Variants in VIPAS39 observed in about 807,000 individuals in gnomAD.
VIPAS39 encodes spermatogenesis-defective protein 39 homolog.
In VIPAS39, 63 loss-of-function variants were observed where a neutral mutation model predicts 84.7. The ratio of observed to expected loss-of-function variants is 0.74; its 90% CI spans 0.61 to 0.92. The LOEUF is 0.92. Among genes scored for constraint, VIPAS39 ranks in the 40% least tolerant of loss-of-function variants. The pLI is 0.00. For missense variants in VIPAS39, 499 were observed against 604.5 expected, an observed-to-expected ratio of 0.83 and a Z score of 1.83; for synonymous variants, 192 against 216.5, an observed-to-expected ratio of 0.89 and a Z score of 0.99.
chr14:77,449,617 A>C, intron 5 of VIPAS39, 97 bp downstream of exon 5: 1 of 1,494,392 alleles, frequency 6.7e-7, no homozygotes, highest in Non-Finnish European at 9.3e-7. Flanking sequence ...AAGAAAGTTC[A>C]TCTTGTCATC....
At chr14:77,452,744 C>A (rs892475121) in intron 3 of VIPAS39, among the ~76,000 whole-genome samples, 1 of 133,490 alleles carries the variant, frequency 7.5e-6, no homozygotes, top group East Asian at 2.7e-4. Context: ...CGCGCCATTG[C>A]ACTCCAGACT....
intron 1 of VIPAS39, among the ~76,000 whole-genome samples, chr14:77,455,121 G>C (rs2078940778): frequency 6.6e-6 from 1 of 152,136 alleles, no homozygotes; most frequent in South Asian, 2.1e-4. Context: ...GTAGTCAAAA[G>C]ACCACAAGTC....
intron 6 of VIPAS39, among the ~76,000 whole-genome samples, chr14:77,448,998 C>T (rs188432914): frequency 7.7e-4 from 118 of 152,264 alleles, no homozygotes; most frequent in Non-Finnish European, 1.2e-3. Context: ...TACCAGGCTT[C>T]CAGACTGCAG....
At chr14:77,445,052 G>A (rs539229114) in intron 7 of VIPAS39, among the ~76,000 whole-genome samples, 278 of 150,052 alleles carry the variant, frequency 1.9e-3, no homozygotes, top group African/African-American at 6.4e-3. Flanking sequence ...CCCGCTTCCC[G>A]GGTTCACACC....
At chr14:77,435,960 A>G in intron 12 of VIPAS39, 41 bp from the exon 13 acceptor site, 1 of 1,608,058 alleles carries the variant, frequency 6.2e-7, no homozygotes, top group South Asian at 1.1e-5. Flanking sequence ...CTCTATTCAA[A>G]CAAGGAAACA....
chr14:77,427,758 C>CAA (rs1359574141), intron 19 of VIPAS39, 122 bp from the exon 20 acceptor site: 5 of 1,331,210 alleles, frequency 3.8e-6, no homozygotes, highest in Non-Finnish European at 5.4e-6. Flanking sequence ...AAAGTAGAAT[C>CAA]AGATCAGGAG....
At chr14:77,450,907 C>G (rs1055024200) in intron 4 of VIPAS39, among the ~76,000 whole-genome samples, 1 of 152,206 alleles carries the variant, frequency 6.6e-6, no homozygotes, top group Non-Finnish European at 1.5e-5. Flanking sequence ...GGTTTTCCAA[C>G]AGCAATGCAC....
chr14:77,442,401 G>A (rs1258993033), intron 10 of VIPAS39, among the ~76,000 whole-genome samples, 159 bp downstream of exon 10: 1 of 152,196 alleles, frequency 6.6e-6, no homozygotes, highest in Non-Finnish European at 1.5e-5. Flanking sequence ...CTTATCATAA[G>A]CTATGCTGTA....
chr14:77,437,958 A>C, intron 11 of VIPAS39, 77 bp from the exon 12 acceptor site: 2 of 1,464,376 alleles, frequency 1.4e-6, no homozygotes, highest in Non-Finnish European at 1.9e-6. Flanking sequence ...TGAACTTCCC[A>C]TGCTTTAAAA....
At chr14:77,448,932 A>T (rs190523723) in intron 6 of VIPAS39, among the ~76,000 whole-genome samples, 12 of 152,324 alleles carry the variant, frequency 7.9e-5, no homozygotes, top group African/African-American at 2.6e-4. Context: ...ACCTTAGGAT[A>T]TGGTTTCTTC....
intron 3 of VIPAS39, among the ~76,000 whole-genome samples, chr14:77,452,604 A>G (rs2078899112): frequency 6.6e-6 from 1 of 151,830 alleles, no homozygotes; most frequent in African/African-American, 2.4e-5. Context: ...ACATGGTAAA[A>G]CTCCATCTCT....
chr14:77,439,692 A>C (rs147607318), intron 11 of VIPAS39, among the ~76,000 whole-genome samples: 3 of 152,062 alleles, frequency 2.0e-5, no homozygotes, highest in Non-Finnish European at 4.4e-5. Flanking sequence ...TTGGGAGCCT[A>C]AGGCTTGAGC....
intron 10 of VIPAS39, 34 bp downstream of exon 10, chr14:77,442,526 A>C (rs758900238): frequency 1.3e-6 from 2 of 1,563,162 alleles, no homozygotes; most frequent in African/African-American, 1.4e-5. Context: ...ACAAGTACTT[A>C]CTAAACTTTA....
rs755554295 is a variant in VIPAS39 at position 77,428,493 on chromosome 14, A to C, written c.1357-19T>G. On this transcript the variant is annotated intron_variant, in intron 18 of 19. Transcript: ENST00000557658. ...GGTAGGTCTGTGCATCAAAACAAAC[A>C]ATACAAACCTCCAATCAGCCTCTGT... is the stretch of plus-strand genomic sequence containing the variant. 76 of 1,610,694 alleles carry C rather than the reference A, an allele frequency of 4.7e-5. No homozygotes were observed. Among genetic ancestry groups the C allele is most frequent in the Non-Finnish European group, 4.9e-5 (58 of 1,177,486 alleles).
chr14:77,451,459 G>A, intron 3 of VIPAS39, 126 bp from the exon 4 acceptor site: 1 of 1,371,242 alleles, frequency 7.3e-7, no homozygotes, highest in Non-Finnish European at 1.0e-6. Flanking sequence ...GGGGCAGGGA[G>A]AAAAGATAGA....
chr14:77,451,175 A>G lies in VIPAS39; in HGVS notation c.343+12T>C. The G allele has an allele frequency of 6.2e-7, 1 of 1,614,234 alleles. No individual in the cohort carries two copies. Among genetic ancestry groups the G allele is most frequent in the Non-Finnish European group, 8.5e-7 (1 of 1,180,042 alleles). ...GAAGGACTTCCCTATCCATTTAAGC[A>G]TCTCTCTTTACCTCTAAAAAAGCTG... On this transcript the variant is annotated intron_variant, in intron 4 of 19. Transcript: ENST00000557658.
chr14:77,457,324 C>A, intron 1 of VIPAS39, 171 bp downstream of exon 1: 1 of 1,535,670 alleles, frequency 6.5e-7, no homozygotes, highest in Non-Finnish European at 8.7e-7. Flanking sequence ...TCACTCGCAG[C>A]CCCAGTCCCA....
rs117308223 is a variant in VIPAS39, at chr14:77,439,596, G to A, written c.762+1470C>T. On this transcript the variant is annotated intron_variant, in intron 11 of 19. Coordinates refer to ENST00000557658, the MANE Select transcript of VIPAS39 (RefSeq NM_001193315.2). ...GAGGCTAGGAGTTCAAGACCAGCCTGGCAAACAAAGTGAGACCCCCGTCTC... is the reference window on the plus strand; with the variant it reads ...GAGGCTAGGAGTTCAAGACCAGCCTAGCAAACAAAGTGAGACCCCCGTCTC... Among the ~76,000 whole-genome samples, 1,330 of 152,230 alleles carry A rather than the reference G, an allele frequency of 8.7e-3. 18 individuals carry two copies. Among genetic ancestry groups the A allele is most frequent in the South Asian group, 0.036 (175 of 4,812 alleles).
chr14:77,429,039 G>A lies in VIPAS39; in HGVS notation c.1323C>T (p.Ala441=). The A allele has an allele frequency of 1.2e-6, 2 of 1,613,972 alleles. No homozygotes were observed. The highest frequency in any genetic ancestry group is 1.7e-6 in the Non-Finnish European group (2 of 1,179,890). Residue 441 remains alanine (A), a synonymous_variant, in exon 18 of 20, where the codon GCC becomes GCT. Transcript: ENST00000557658. ...VEDVDTKLNL[A]TKFKCHDVVI... ...CGACATCATGGCACTTGAACTTAGT[G>A]GCTAAGTTCAACTTCGTGTCCACAT...
Sources: allele counts gnomAD v4.1 joint callset (sites outside exome capture counted in the v4.1 genomes callset), GRCh38; gene constraint gnomAD v4.1.1; transcripts MANE v1.5; gene names NCBI Gene and HGNC (gene_info 2026-07-23, HGNC 2026-07-21).